Variants in USP31 observed in about 807,000 individuals in gnomAD.
USP31 encodes ubiquitin specific peptidase 31.
A neutral mutation model predicts 119.4 loss-of-function variants in USP31; 44 were observed. The ratio of observed to expected loss-of-function variants is 0.37; its 90% confidence interval spans 0.29 to 0.47. USP31 has a LOEUF of 0.47. Ranked by LOEUF, USP31 falls within the 20% of genes least tolerant of loss-of-function variation. The probability of loss-of-function intolerance (pLI) is 0.99; values close to 1 mark genes in which losing one functional copy is unlikely to be tolerated. For missense variants in USP31, 1,643 were observed against 1,730.2 expected, an observed-to-expected ratio of 0.95 and a Z score of 0.89; for synonymous variants, 749 against 705.6, an observed-to-expected ratio of 1.06 and a Z score of -0.97.
chr16:23,106,193 T>G lies in USP31; in HGVS notation c.953+20A>C. On this transcript the variant is annotated intron_variant, in intron 4 of 15. Coordinates refer to ENST00000219689, the MANE Select transcript of USP31 (RefSeq NM_020718.4). ...TACCATAAGAAAATACAGTCTTCAT[T>G]TTACTAAATCCATTCTTACCTTGTG... 1 of 1,613,962 alleles carries G rather than the reference T, an allele frequency of 6.2e-7. No homozygotes were observed. Among genetic ancestry groups the G allele is most frequent in the Non-Finnish European group, 8.5e-7 (1 of 1,179,884 alleles).
At position 23,149,183 on chromosome 16, in the gene USP31, T is replaced by C; in HGVS notation, c.88A>G (p.Ser30Gly). ...GCGCCGCCGCCGCCAGCGCGGCCGC[T>C]CCGAAACAGCCGCTTGCTGAAGGAG... ...KRSFSKRLFRSGRAGGGGAGG... is the reference protein window; with the variant it reads ...KRSFSKRLFRGGRAGGGGAGG... The change falls in exon 1 of 16, where the codon AGC (serine) becomes GGC (glycine). Residue 30 changes from serine to glycine, a missense_variant. Physicochemically the swap from Ser to Gly is moderately conservative, Grantham distance 56. Around this residue, in one of 5 missense-constraint regions of USP31, gnomAD observed 302 missense variants for 262.6 expected, o/e 1.15. Coordinates refer to ENST00000219689, the MANE Select transcript of USP31 (RefSeq NM_020718.4). 2.1e-5 allele frequency: 25 copies of C among 1,163,194 alleles called. No homozygotes were observed. Among genetic ancestry groups the C allele is most frequent in the Non-Finnish European group, 2.7e-5 (25 of 940,886 alleles). 72.1% of individuals were successfully genotyped at this position (1,163,194 alleles called of 1,614,324 possible).
chr16:23,071,184 T>C (rs1900328977), intron 15 of USP31, among the ~76,000 whole-genome samples: 1 of 152,226 alleles, frequency 6.6e-6, no homozygotes, highest in Admixed American at 6.5e-5. Context: ...AGAGCTATGG[T>C]GCAGCTCTCT....
chr16:23,138,978 C>T (rs1217133717), intron 1 of USP31, among the ~76,000 whole-genome samples: 1 of 152,210 alleles, frequency 6.6e-6, no homozygotes, highest in East Asian at 1.9e-4. Flanking sequence ...CCACTTCACT[C>T]ATCTTCATAT....
Position 23,148,757 on chromosome 16 carries a change from G to A in USP31, c.514C>T (p.Pro172Ser). Reference sequence around the variant, plus strand: ...GCGCCGCGGCCCGCAGGCTGCTCCGGGTCAGGCGAGGGCTCGGGCCGCCCC... The same window carrying A: ...GCGCCGCGGCCCGCAGGCTGCTCCGAGTCAGGCGAGGGCTCGGGCCGCCCC... ...RAGRPEPSPD[P>S]EQPAGRGAQG... The change falls in exon 1 of 16, where the codon CCG becomes TCG. Residue 172 changes from proline to serine, a missense_variant. Coordinates refer to ENST00000219689, the MANE Select transcript of USP31 (RefSeq NM_020718.4). 1 of 1,515,872 alleles carries A rather than the reference G, an allele frequency of 6.6e-7. No individual in the cohort carries two copies. The highest frequency in any genetic ancestry group is 1.4e-5 in the African/African-American group (1 of 69,320). The allele number at this position is 1,515,872 out of a possible 1,614,324, so 93.9% of individuals were successfully genotyped here.
chr16:23,110,709 C>T (rs1902283996), intron 1 of USP31, among the ~76,000 whole-genome samples: 1 of 152,054 alleles, frequency 6.6e-6, no homozygotes, highest in Admixed American at 6.5e-5. Flanking sequence ...TACTCTCCTC[C>T]AAAGTAAAAT....
chr16:23,102,471 T>C lies in USP31; in HGVS notation c.1090-8A>G, dbSNP rs750086294. The C allele has an allele frequency of 4.4e-6, 7 of 1,597,198 alleles. No homozygotes were observed. In the Admixed American group the frequency reaches 5.3e-5, roughly 12 times the overall value. On this transcript the variant is annotated splice_polypyrimidine_tract_variant and splice_region_variant and intron_variant, in intron 5 of 15. Coordinates refer to ENST00000219689, the MANE Select transcript of USP31 (RefSeq NM_020718.4). ...CATTTCTGTTAACACAATCTAAAAA[T>C]AGGAAAAATGTAAACAGGTGGGTAA...
intron 1 of USP31, among the ~76,000 whole-genome samples, chr16:23,141,216 GC>G (rs1232144304): frequency 6.6e-6 from 1 of 151,998 alleles, no homozygotes; most frequent in Non-Finnish European, 1.5e-5. Flanking sequence ...CCTCCATCCC[GC>G]TCTCCTCCTG....
chr16:23,148,825 G>A lies in USP31; in HGVS notation c.446C>T (p.Thr149Ile). 6.5e-7 allele frequency: 1 copy of A among 1,539,698 alleles called. No individual in the cohort carries two copies. Among genetic ancestry groups the A allele is most frequent in the Non-Finnish European group, 8.7e-7 (1 of 1,146,886 alleles). The change falls in exon 1 of 16, where the codon ACC becomes ATC. Residue 149 changes from threonine (T) to isoleucine (I), a missense_variant. This residue lies in a region of USP31 where 302 missense variants were observed against 262.6 expected (regional missense o/e 1.15). Transcript: ENST00000219689. ...CGCCAGGTACTCGGCGAAGAGCTCG[G>A]TGTTGCTGAGGCACTGCAGCGTGGC... ...MNATLQCLSN[T>I]ELFAEYLALG...
chr16:23,090,809 A>C lies in USP31; in HGVS notation c.1235-5T>G, dbSNP rs1298813766. ...GGTTGTTGTTTAAATGAATTCCTGAAACAGAATAAAAACAACTCATTTTAT... is the reference window on the plus strand; with the variant it reads ...GGTTGTTGTTTAAATGAATTCCTGACACAGAATAAAAACAACTCATTTTAT... On this transcript the variant is annotated splice_region_variant and splice_polypyrimidine_tract_variant and intron_variant, in intron 6 of 15. Coordinates refer to ENST00000219689, the MANE Select transcript of USP31 (RefSeq NM_020718.4). 2 of 1,530,442 alleles carry C rather than the reference A, an allele frequency of 1.3e-6. No homozygotes were observed. The highest frequency in any genetic ancestry group is 1.8e-6 in the Non-Finnish European group (2 of 1,122,596). The allele number at this position is 1,530,442 out of a possible 1,614,324, so 94.8% of individuals were successfully genotyped here.
chr16:23,139,382 G>C (rs1292583155), intron 1 of USP31, among the ~76,000 whole-genome samples: 1 of 152,224 alleles, frequency 6.6e-6, no homozygotes, highest in Non-Finnish European at 1.5e-5. Flanking sequence ...CTGCACTGCA[G>C]CCTGGGCAAC....
At position 23,136,939 on chromosome 16, in the gene USP31, G is replaced by A. The variant is rs901291426; in HGVS notation, c.633+11699C>T. On this transcript the variant is annotated intron_variant, in intron 1 of 15. Transcript: ENST00000219689. The stretch of plus-strand genomic sequence containing the variant: ...AATCAAAACCACAATGAGGCCTAGT[G>A]TGGTGGCTCATGCCTGTAATCCCGG... Among the ~76,000 whole-genome samples, 3 of 152,094 alleles carry A rather than the reference G, an allele frequency of 2.0e-5. No homozygotes were observed. In the East Asian group the frequency reaches 5.8e-4, roughly 29 times the overall value.
rs1413588453 is a variant in USP31, at chr16:23,069,597, T to C, written c.2508A>G (p.Pro836=). The C allele has an allele frequency of 3.1e-6, 5 of 1,608,012 alleles. No individual in the cohort carries two copies. In the Admixed American group the frequency reaches 5.0e-5, roughly 16 times the overall value. Residue 836 remains proline (P), a synonymous_variant, in exon 16 of 16, where the codon CCA becomes CCG. Transcript: ENST00000219689. ...TCTGACGCTGGACACTTCTCACAAA[T>C]GGTCGAGTTGAAAAGCCTCCTGAAC... ...SEDDGGFSTR[P]FVRSVQRQSL...
intron 6 of USP31, among the ~76,000 whole-genome samples, chr16:23,101,127 G>A (rs1901835290): frequency 6.6e-6 from 1 of 152,170 alleles, no homozygotes; most frequent in East Asian, 1.9e-4. Context: ...TAAGTCTGTG[G>A]AGAAATAACT....
chr16:23,112,181 G>C (rs115335183), intron 1 of USP31, among the ~76,000 whole-genome samples: 10 of 152,290 alleles, frequency 6.6e-5, no homozygotes, highest in African/African-American at 2.4e-4. Flanking sequence ...AGGAGGAACA[G>C]GCATGATGGG....
chr16:23,074,770 TAGC>T lies in USP31; in HGVS notation c.2177-893_2177-891del, dbSNP rs576555105. On this transcript the variant is annotated intron_variant, in intron 13 of 15. Coordinates refer to ENST00000219689, the MANE Select transcript of USP31 (RefSeq NM_020718.4). ...GAGCTAGAAATAAAGAACATTCAAG[TAGC>T]AGCAAAAACAGACGAAAACTTAAGA... Among the ~76,000 whole-genome samples, 149 of 152,312 alleles carry T rather than the reference TAGC, an allele frequency of 9.8e-4. 1 individual carries two copies. The highest frequency in any genetic ancestry group is 3.3e-3 in the African/African-American group (138 of 41,572).
Position 23,087,831 on chromosome 16 carries a change from C to T in USP31, c.1420G>A (p.Gly474Arg). 1.2e-6 allele frequency: 2 copies of T among 1,612,674 alleles called. No homozygotes were observed. Among genetic ancestry groups the T allele is most frequent in the South Asian group, 1.1e-5 (1 of 91,056 alleles). Reference protein sequence around the residue: ...ACTGQQGKRFGLPFVLHLEKT... With the variant: ...ACTGQQGKRFRLPFVLHLEKT... ...TCTAAGTGCAGCACAAAAGGCAGTCCAAATCTAACACACATCAACAATGTA... is the reference window on the plus strand; with the variant it reads ...TCTAAGTGCAGCACAAAAGGCAGTCTAAATCTAACACACATCAACAATGTA... Residue 474 changes from glycine (G) to arginine (R), a missense_variant, in exon 8 of 16, where the codon GGA (glycine) becomes AGA (arginine). Transcript: ENST00000219689.
rs569564670 is a variant in USP31, at chr16:23,104,437, G to A, written c.1089+1004C>T. 2.0e-5 allele frequency among the ~76,000 whole-genome samples: 3 copies of A among 152,296 alleles called. No individual in the cohort carries two copies. In the East Asian group the frequency reaches 5.8e-4, roughly 29 times the overall value. On this transcript the variant is annotated intron_variant, in intron 5 of 15. Coordinates refer to ENST00000219689, the MANE Select transcript of USP31 (RefSeq NM_020718.4). The stretch of plus-strand genomic sequence containing the variant: ...CTAAAGATGCAACCAGATTTGCCCT[G>A]GACACCACCGAAGCCTCGCTCCCTC...
At chr16:23,133,713 C>T (rs1190746969) in intron 1 of USP31, among the ~76,000 whole-genome samples, 1 of 152,106 alleles carries the variant, frequency 6.6e-6, no homozygotes, top group Non-Finnish European at 1.5e-5. Context: ...TTGATTTTAT[C>T]AGTGACAGGC....
At chr16:23,123,537 CAAATAAATAAAT>C in intron 1 of USP31, among the ~76,000 whole-genome samples, 1 of 151,748 alleles carries the variant, frequency 6.6e-6, no homozygotes, top group African/African-American at 2.4e-5. Context: ...GGCTGCATCT[CAAATAAATAAAT>C]AAATAAATAA....
Sources: allele counts gnomAD v4.1 joint callset (sites outside exome capture counted in the v4.1 genomes callset), GRCh38; gene constraint gnomAD v4.1.1; regional missense constraint gnomAD v4.1.1; transcripts MANE v1.5; gene names NCBI Gene and HGNC (gene_info 2026-07-23, HGNC 2026-07-21).